Variants in ZNF618 observed in about 807,000 individuals in gnomAD.
ZNF618 encodes the protein zinc finger protein 618, also known as neural precursor cell expressed, developmentally down-regulated 10.
Under a neutral mutation model 103.0 loss-of-function variants are expected in ZNF618, and 34 were observed. That is an observed-to-expected ratio of 0.33 (90% confidence interval 0.25 to 0.44). The LOEUF (loss-of-function observed/expected upper bound fraction) is 0.44. Ranked by LOEUF, ZNF618 falls within the 20% of genes least tolerant of loss-of-function variation. ZNF618 has a pLI of 1.00. For missense variants in ZNF618, 1,059 were observed against 1,295.4 expected (o/e 0.82, Z 2.80); for synonymous variants, 551 against 542.2 (o/e 1.02, Z -0.23).
At chr9:114,007,971 G>A (rs1199382249) in intron 7 of ZNF618, among the ~76,000 whole-genome samples, 2 of 152,094 alleles carry the variant, frequency 1.3e-5, no homozygotes, top group Non-Finnish European at 2.9e-5. Flanking sequence ...GTTACCACTG[G>A]CCCATCTCTT....
Position 113,876,322 on chromosome 9 carries a change from C to G in ZNF618, c.-59C>G. On this transcript the variant is annotated 5_prime_UTR_variant, in exon 1 of 15. Coordinates refer to ENST00000374126, the MANE Select transcript of ZNF618 (RefSeq NM_001318042.2). The stretch of plus-strand genomic sequence containing the variant: ...GGCGGCGGCGGCATTGTGCGCGCAC[C>G]AGCAGCCCGGCCCGGGAGGAGCAGG... 1 of 1,121,858 alleles carries G rather than the reference C, an allele frequency of 8.9e-7. No homozygotes were observed. The highest frequency in any genetic ancestry group is 1.1e-6 in the Non-Finnish European group (1 of 921,998). The allele number at this position is 1,121,858 out of a possible 1,614,324, so 69.5% of individuals were successfully genotyped here. A position where few individuals can be genotyped will look rare whatever the true frequency, so the allele number is the denominator to read the frequency against.
At chr9:113,947,166 A>G (rs933103661) in intron 1 of ZNF618, among the ~76,000 whole-genome samples, 1 of 152,150 alleles carries the variant, frequency 6.6e-6, no homozygotes, top group East Asian at 1.9e-4. Context: ...GCTCTCGACA[A>G]AGAATCTGTC....
chr9:113,980,698 G>A (rs1057019177), intron 2 of ZNF618, among the ~76,000 whole-genome samples: 15 of 152,316 alleles, frequency 9.8e-5, no homozygotes, highest in African/African-American at 3.6e-4. Context: ...GAGTGATGAA[G>A]AGGATTCAGC....
intron 7 of ZNF618, 71 bp from the exon 8 acceptor site, chr9:114,008,273 C>G: frequency 6.3e-7 from 1 of 1,598,220 alleles, no homozygotes; most frequent in South Asian, 1.1e-5. Context: ...AGAGGCAGCT[C>G]TGGGCAGGGA....
At chr9:113,896,833 G>A (rs1013519167) in intron 1 of ZNF618, among the ~76,000 whole-genome samples, 2 of 151,792 alleles carry the variant, frequency 1.3e-5, no homozygotes, top group Admixed American at 6.6e-5. Flanking sequence ...TTTTATTATG[G>A]GTTGTACCCT....
rs770850585 is a variant in ZNF618 at position 113,938,165 on chromosome 9, G to GTTTTTTT, written c.34-30936_34-30930dup. Among the ~76,000 whole-genome samples, 12 of 95,508 alleles carry GTTTTTTT rather than the reference G, an allele frequency of 1.3e-4. 1 individual carries two copies. The highest frequency in any genetic ancestry group is 2.8e-4 in the Admixed American group (2 of 7,166). The allele number at this position is 95,508 out of a possible 152,430, so 62.7% of individuals were successfully genotyped here. On this transcript the variant is annotated intron_variant, in intron 1 of 14. Transcript: ENST00000374126. ...GTTTTTAGGAAAGCTTCAGGCTCCT[G>GTTTTTTT]TTTTTTTTTTTTTTTTTTTTTTGAG...
intron 1 of ZNF618, among the ~76,000 whole-genome samples, chr9:113,950,739 G>T (rs1023615852): frequency 6.6e-6 from 1 of 152,184 alleles, no homozygotes. Context: ...CATCAGAGGG[G>T]CTCCAACCCG....
At chr9:113,983,422 G>A (rs1181436568) in intron 2 of ZNF618, among the ~76,000 whole-genome samples, 1 of 152,208 alleles carries the variant, frequency 6.6e-6, no homozygotes, top group African/African-American at 2.4e-5. Context: ...AGTTGCCCAT[G>A]CCTTTGTCGC....
chr9:113,957,575 C>T (rs952211645), intron 1 of ZNF618, among the ~76,000 whole-genome samples: 1 of 152,182 alleles, frequency 6.6e-6, no homozygotes, highest in Admixed American at 6.5e-5. Context: ...CCTGGTGAGG[C>T]CGTCCAGACA....
chr9:114,015,181 A>G (rs776087145), intron 9 of ZNF618, among the ~76,000 whole-genome samples: 3 of 152,196 alleles, frequency 2.0e-5, no homozygotes, highest in Non-Finnish European at 4.4e-5. Context: ...TAAAAATTCT[A>G]TAGCAGGAGA....
chr9:113,887,154 G>A (rs544079261), intron 1 of ZNF618, among the ~76,000 whole-genome samples: 7 of 152,016 alleles, frequency 4.6e-5, no homozygotes, highest in African/African-American at 1.4e-4. Flanking sequence ...ACACAACACC[G>A]TCATCAGATA....
chr9:113,908,117 G>A (rs188833308), intron 1 of ZNF618, among the ~76,000 whole-genome samples: 2 of 148,594 alleles, frequency 1.3e-5, no homozygotes, highest in African/African-American at 2.5e-5. Flanking sequence ...TGGGAGGCTC[G>A]GGCAGTCAAA....
At chr9:114,016,171 A>T in intron 9 of ZNF618, 1 of 1,613,552 alleles carries the variant, frequency 6.2e-7, no homozygotes, top group Non-Finnish European at 8.5e-7. Flanking sequence ...GCCAAAAGAG[A>T]GGTAAAGATA....
intron 2 of ZNF618, among the ~76,000 whole-genome samples, chr9:113,981,729 G>C (rs1838996820): frequency 6.6e-6 from 1 of 152,230 alleles, no homozygotes; most frequent in South Asian, 2.1e-4. Flanking sequence ...GCAAGCTTTA[G>C]TGACAACAGT....
chr9:113,904,258 A>G (rs1415939803), intron 1 of ZNF618, among the ~76,000 whole-genome samples: 1 of 149,370 alleles, frequency 6.7e-6, no homozygotes, highest in Non-Finnish European at 1.5e-5. Flanking sequence ...TTTCATCTCT[A>G]GAAGTTTGGT....
rs1363649963 is a variant in ZNF618 at position 114,050,425 on chromosome 9, A to G, written c.*258A>G. The G allele has an allele frequency of 9.7e-6, 4 of 410,262 alleles. No homozygotes were observed. Among genetic ancestry groups the G allele is most frequent in the African/African-American group, 8.6e-5 (4 of 46,410 alleles). The allele number at this position is 410,262 out of a possible 1,614,324, so 25.4% of individuals were successfully genotyped here. ...TCTCTGTGCTCATCTCCATGGCCAG[A>G]GAAACTTTGCACACACGCACACACA... On this transcript the variant is annotated 3_prime_UTR_variant, in exon 15 of 15. Transcript: ENST00000374126.
chr9:113,984,260 G>A (rs1839249064), intron 2 of ZNF618, among the ~76,000 whole-genome samples: 1 of 152,216 alleles, frequency 6.6e-6, no homozygotes, highest in Admixed American at 6.5e-5. Context: ...CAAGGAAGAC[G>A]TGGCATTCAG....
chr9:113,979,801 A>G (rs1443070630), intron 2 of ZNF618, among the ~76,000 whole-genome samples: 1 of 152,232 alleles, frequency 6.6e-6, no homozygotes, highest in African/African-American at 2.4e-5. Context: ...AGTTGAGGAA[A>G]CAGACAGTAA....
chr9:114,032,053 A>G (rs149052083), intron 11 of ZNF618, among the ~76,000 whole-genome samples: 1 of 152,322 alleles, frequency 6.6e-6, no homozygotes, highest in Non-Finnish European at 1.5e-5. Context: ...GTAGTCACTC[A>G]GGGGGAACCC....
Sources: allele counts gnomAD v4.1 joint callset (sites outside exome capture counted in the v4.1 genomes callset), GRCh38; gene constraint gnomAD v4.1.1; transcripts MANE v1.5; gene names NCBI Gene and HGNC (gene_info 2026-07-23, HGNC 2026-07-21).